MRLN: variants seen among roughly 807,000 people sequenced by gnomAD.
MRLN encodes myoregulin.
chr10:59,752,580 T>C (rs2070169427), intron 1 of MRLN, among the ~76,000 whole-genome samples: 1 of 152,244 alleles, frequency 6.6e-6, no homozygotes, highest in Admixed American at 6.5e-5. Context: ...TTTAGAAGCC[T>C]GGTGCACATG....
intron 1 of MRLN, among the ~76,000 whole-genome samples, chr10:59,749,201 T>C (rs1037844290): frequency 6.6e-6 from 1 of 152,366 alleles, no homozygotes; most frequent in African/African-American, 2.4e-5. Context: ...TACACACTTA[T>C]TTTTAATCTC....
chr10:59,737,853 G>C (rs1171585), intron 2 of MRLN, among the ~76,000 whole-genome samples: 142,856 of 152,188 alleles, frequency 0.94, 67,259 homozygotes, highest in East Asian at 1. Context: ...ACATTTAGAA[G>C]CATTCTTAAT....
In MRLN at chr10:59,744,532, G is replaced by A. The variant is rs1180442512; in HGVS notation, c.-124-5970C>T. 6.6e-5 allele frequency among the ~76,000 whole-genome samples: 10 copies of A among 151,562 alleles called. No individual in the cohort carries two copies. In the East Asian group the frequency reaches 1.8e-3, roughly 27 times the overall value. The stretch of plus-strand genomic sequence containing the variant: ...GCTGCCACCCCGTCTGGGAGGTGGG[G>A]GAGCGCGCCTCTGCCCAGCCGCCCC... On this transcript the variant is annotated intron_variant, in intron 1 of 2. Coordinates refer to ENST00000414264, the MANE Select transcript of MRLN (RefSeq NM_001304731.2).
At chr10:59,744,299 C>G (rs977499387) in intron 1 of MRLN, 2 of 156,128 alleles carry the variant, frequency 1.3e-5, no homozygotes, top group Admixed American at 6.5e-5. Flanking sequence ...GTGAAGAGTG[C>G]CTCTGCCCGG....
intron 1 of MRLN, among the ~76,000 whole-genome samples, chr10:59,743,223 C>T (rs1013179689): frequency 1.3e-5 from 2 of 149,986 alleles, no homozygotes. Context: ...CCCCACCACA[C>T]CTTGCTGTTT....
At chr10:59,743,286 C>T (rs1268972243) in intron 1 of MRLN, among the ~76,000 whole-genome samples, 1 of 139,352 alleles carries the variant, frequency 7.2e-6, no homozygotes, top group Non-Finnish European at 1.5e-5. Flanking sequence ...AACTTCAGAA[C>T]ACTAAGGAAA....
intron 1 of MRLN, among the ~76,000 whole-genome samples, chr10:59,744,001 C>A (rs1841012835): frequency 1.3e-5 from 2 of 152,152 alleles, no homozygotes; most frequent in South Asian, 4.1e-4. Context: ...GTGGCGTGAT[C>A]TCGGCTCGCT....
intron 1 of MRLN, among the ~76,000 whole-genome samples, chr10:59,749,099 G>C (rs1318044287): frequency 6.6e-6 from 1 of 152,222 alleles, no homozygotes; most frequent in Non-Finnish European, 1.5e-5. Context: ...CCTGACCTCA[G>C]ATGCCACCTC....
chr10:59,750,062 CTTTTTTTTTTTTTTTTTT>C (rs71006289), intron 1 of MRLN, among the ~76,000 whole-genome samples: 1 of 58,822 alleles, frequency 1.7e-5, no homozygotes, highest in African/African-American at 6.9e-5. Flanking sequence ...CTCTCTCTCT[CTTTTTTTTTTTTTTTTTT>C]TTTTTTTTTG....
intron 1 of MRLN, among the ~76,000 whole-genome samples, chr10:59,749,327 G>A (rs531682506): frequency 6.6e-6 from 1 of 152,346 alleles, no homozygotes; most frequent in Admixed American, 6.5e-5. Context: ...GGTGACCAAG[G>A]ATTTTTATGG....
At chr10:59,739,457 A>C (rs901347759) in intron 1 of MRLN, 2 of 152,228 alleles carry the variant, frequency 1.3e-5, no homozygotes, top group African/African-American at 4.8e-5. Context: ...TATAATACCT[A>C]ATACAATATA....
intron 1 of MRLN, among the ~76,000 whole-genome samples, chr10:59,751,858 C>G (rs149605008): frequency 1.3e-5 from 2 of 152,150 alleles, no homozygotes; most frequent in South Asian, 4.2e-4. Context: ...TCCTGAGTTA[C>G]AGAGCAACAC....
At chr10:59,737,871 A>G (rs1589014864) in intron 2 of MRLN, among the ~76,000 whole-genome samples, 1 of 152,180 alleles carries the variant, frequency 6.6e-6, no homozygotes, top group African/African-American at 2.4e-5. Context: ...AATCCCTTTT[A>G]CAGGGGATGT....
intron 1 of MRLN, among the ~76,000 whole-genome samples, chr10:59,747,311 A>G (rs1841052847): frequency 6.6e-6 from 1 of 152,174 alleles, no homozygotes; most frequent in Admixed American, 6.5e-5. Flanking sequence ...CAGAGTTTGA[A>G]TCTCAGGTCT....
chr10:59,744,232 G>A (rs61861084), intron 1 of MRLN: 31,021 of 157,162 alleles, frequency 0.2, 3,612 homozygotes, highest in Middle Eastern at 0.31. Context: ...GTCTCTGCCC[G>A]GCCACCCATT....
intron 1 of MRLN, among the ~76,000 whole-genome samples, chr10:59,743,262 G>C (rs146817546): frequency 1.4e-5 from 2 of 140,596 alleles, no homozygotes; most frequent in East Asian, 2.2e-4. Context: ...CATTTAAAAG[G>C]ATATTGCCTA....
intron 1 of MRLN, among the ~76,000 whole-genome samples, chr10:59,745,944 C>T (rs1841039853): frequency 6.6e-6 from 1 of 152,154 alleles, no homozygotes; most frequent in Non-Finnish European, 1.5e-5. Context: ...AAAAAAATCC[C>T]TCTATTATAT....
rs1840930435 is a variant in MRLN, at chr10:59,736,909, C to T, written c.*151G>A. 2.9e-6 allele frequency: 1 copy of T among 346,344 alleles called. No individual in the cohort carries two copies. The highest frequency in any genetic ancestry group is 2.1e-5 in the African/African-American group (1 of 47,648). The allele number at this position is 346,344 out of a possible 1,614,324, so 21.5% of individuals were successfully genotyped here. A position where few individuals can be genotyped will look rare whatever the true frequency, so the allele number is the denominator to read the frequency against. On this transcript the variant is annotated 3_prime_UTR_variant, in exon 3 of 3. Transcript: ENST00000414264. ...GTTTCATAAACCATAAAGAACTAAA[C>T]AATACACAATGTTGTTTGTATTGCA...
chr10:59,753,283 T>G (rs562400575), intron 1 of MRLN, 71 bp downstream of exon 1: 1 of 151,746 alleles, frequency 6.6e-6, no homozygotes, highest in Admixed American at 6.6e-5. Context: ...CACTAAACTT[T>G]CCTCCAAAAT....
Sources: allele counts gnomAD v4.1 joint callset (sites outside exome capture counted in the v4.1 genomes callset), GRCh38; gene constraint gnomAD v4.1.1; transcripts MANE v1.5; gene names NCBI Gene and HGNC (gene_info 2026-07-23, HGNC 2026-07-21).